Variants in TESK2 observed in about 807,000 individuals in gnomAD.
TESK2 encodes the protein testis associated actin remodelling kinase 2, also known as dual specificity testis-specific protein kinase 2.
A neutral mutation model predicts 57.1 loss-of-function variants in TESK2; 39 were observed. The ratio of observed to expected loss-of-function variants is 0.68; its 90% CI spans 0.53 to 0.89. The LOEUF is 0.89. TESK2 is among the 40% of genes least tolerant of loss of function. TESK2 has a pLI of 0.00. For synonymous variants in TESK2, 249 were observed against 267.9 expected (o/e 0.93, Z 0.69); for missense variants, 646 against 732.1 (o/e 0.88, Z 1.36).
chr1:45,385,922 G>T lies in TESK2; in HGVS notation c.383C>A (p.Ala128Glu). ...GVCVHQGQLH[A>E]LTEYINSGNL... is the part of the protein sequence containing the mutation. Reference sequence around the variant, plus strand: ...TTACTGATGTCTTACCTCTGTAAGTGCATGCAATTGTCCTTGATGAACACA... The same window carrying T: ...TTACTGATGTCTTACCTCTGTAAGTTCATGCAATTGTCCTTGATGAACACA... The change falls in exon 4 of 11, where the codon GCA (alanine) becomes GAA (glutamate). Residue 128 changes from alanine (A) to glutamate (E), a missense_variant. Transcript: ENST00000372086. The T allele has an allele frequency of 6.2e-7, 1 of 1,606,526 alleles. No individual in the cohort carries two copies. The highest frequency in any genetic ancestry group is 8.5e-7 in the Non-Finnish European group (1 of 1,175,682).
intron 1 of TESK2, among the ~76,000 whole-genome samples, chr1:45,476,322 A>T (rs1652987968): frequency 6.6e-6 from 1 of 151,938 alleles, no homozygotes; most frequent in Admixed American, 6.6e-5. Context: ...AGCCTGAACA[A>T]CATGAGGAGA....
chr1:45,460,018 A>C (rs1652267316), intron 1 of TESK2, among the ~76,000 whole-genome samples: 1 of 152,174 alleles, frequency 6.6e-6, no homozygotes, highest in African/African-American at 2.4e-5. Flanking sequence ...TCTTGAGTTC[A>C]CATGAACATA....
rs772146409 is a variant in TESK2 at position 45,345,195 on chromosome 1, C to T, written c.1361G>A (p.Trp454Ter). The change falls in exon 11 of 11, where the codon TGG (tryptophan) becomes TAG (stop). Residue 454 changes from tryptophan to a stop codon, truncating the protein, a stop_gained. Transcript: ENST00000372086. LOFTEE classifies it high-confidence loss of function. The part of the protein sequence containing the change: ...QEPLAPPIRR[W>*]RSLPGSPEFL... Reference sequence around the variant, plus strand: ...CTCAGGCGAACCAGGCAAGGAACGCCACCGGCGAATAGGTGGGGCCAGGGG... The same window carrying T: ...CTCAGGCGAACCAGGCAAGGAACGCTACCGGCGAATAGGTGGGGCCAGGGG... The T allele has an allele frequency of 1.2e-6, 2 of 1,614,192 alleles. No individual in the cohort carries two copies. The highest frequency in any genetic ancestry group is 1.7e-5 in the Admixed American group (1 of 60,026).
chr1:45,432,335 G>A (rs909074007), intron 2 of TESK2, among the ~76,000 whole-genome samples: 1 of 151,932 alleles, frequency 6.6e-6, no homozygotes, highest in South Asian at 2.1e-4. Flanking sequence ...ACACTAGGCC[G>A]AGTATTTATC....
intron 4 of TESK2, among the ~76,000 whole-genome samples, chr1:45,356,432 C>T (rs945638113): frequency 4.0e-5 from 6 of 151,732 alleles, no homozygotes; most frequent in Non-Finnish European, 5.9e-5. Flanking sequence ...TTCAGACCGG[C>T]CTGAACAGCA....
Position 45,344,990 on chromosome 1 carries a change from AT to A in TESK2, c.1565del (p.Asn522MetfsTer23). 6.2e-7 allele frequency: 1 copy of A among 1,614,062 alleles called. No individual in the cohort carries two copies. Reference sequence around the variant, plus strand: ...TCCCCTGGGGCCTGGACCCAAAACCATTTTCTTCCTGGAGAATGGAGCAGTC... The same window carrying A: ...TCCCCTGGGGCCTGGACCCAAAACCATTTCTTCCTGGAGAATGGAGCAGTC... ...AMDCSILQEE[N>X]GFGSRPQGTS... is the part of the protein sequence containing the mutation. On this transcript the variant is annotated frameshift_variant, in exon 11 of 11. Transcript: ENST00000372086. LOFTEE classifies it high-confidence loss of function.
intron 4 of TESK2, among the ~76,000 whole-genome samples, chr1:45,359,902 CG>C (rs1557542628): frequency 6.6e-6 from 1 of 151,582 alleles, no homozygotes; most frequent in Non-Finnish European, 1.5e-5. Flanking sequence ...GAAAGCGCTT[CG>C]AAAAAAATTT....
intron 2 of TESK2, among the ~76,000 whole-genome samples, chr1:45,436,427 C>T (rs1483572294): frequency 3.4e-5 from 5 of 148,466 alleles, no homozygotes; most frequent in South Asian, 4.3e-4. Context: ...TCAGAAGATC[C>T]GCCTACTTCG....
intron 4 of TESK2, among the ~76,000 whole-genome samples, chr1:45,377,239 G>A (rs1278335763): frequency 6.6e-6 from 1 of 151,728 alleles, no homozygotes; most frequent in East Asian, 1.9e-4. Context: ...AAAAAAAAAA[G>A]TATTTGTAGG....
Position 45,482,698 on chromosome 1 carries a change from G to A in TESK2, c.-87+8154C>T, listed in dbSNP as rs372128842. ...GCGGGAAGTCAAAAATTATACCTGG[G>A]GCCAGGCGTGGTTGCTCACACCTGT... On this transcript the variant is annotated intron_variant, in intron 1 of 10. Coordinates refer to ENST00000372086, the MANE Select transcript of TESK2 (RefSeq NM_007170.3). 1.3e-4 allele frequency among the ~76,000 whole-genome samples: 20 copies of A among 151,942 alleles called. No individual in the cohort carries two copies. In the East Asian group the frequency reaches 3.9e-3, roughly 29 times the overall value.
chr1:45,415,166 T>C, intron 3 of TESK2: 1 of 1,519,384 alleles, frequency 6.6e-7, no homozygotes. Context: ...GATTTGGTTA[T>C]AAGGGTTCCT....
intron 1 of TESK2, among the ~76,000 whole-genome samples, chr1:45,478,508 A>G (rs112406106): frequency 2.0e-5 from 3 of 152,326 alleles, no homozygotes; most frequent in African/African-American, 7.2e-5. Flanking sequence ...TACAGTGGAG[A>G]AAAAGCAAAA....
intron 1 of TESK2, among the ~76,000 whole-genome samples, chr1:45,473,738 AATG>A (rs1652863371): frequency 6.6e-6 from 1 of 152,208 alleles, no homozygotes; most frequent in Non-Finnish European, 1.5e-5. Context: ...AACCAAATGC[AATG>A]ATGATACTTG....
At chr1:45,424,257 T>C (rs891823477) in intron 2 of TESK2, among the ~76,000 whole-genome samples, 5 of 152,148 alleles carry the variant, frequency 3.3e-5, no homozygotes, top group Non-Finnish European at 5.9e-5. Context: ...AGGTCAGACA[T>C]CACAGCTTAT....
chr1:45,439,993 T>C (rs571052802), intron 2 of TESK2, among the ~76,000 whole-genome samples: 15 of 150,128 alleles, frequency 1.0e-4, no homozygotes, highest in Admixed American at 8.0e-4. Flanking sequence ...AGAGTATCGC[T>C]AGGTCACCTG....
In TESK2 at chr1:45,344,463, A is replaced by C. The variant is rs1647109593; in HGVS notation, c.*377T>G. On this transcript the variant is annotated 3_prime_UTR_variant, in exon 11 of 11. Transcript: ENST00000372086. ...CTCCATGTTCCACTCAGTAGCTTAT[A>C]TGCCCCAAGAAAAGGCAAGAGACAG... The C allele has an allele frequency of 4.6e-6, 1 of 217,706 alleles. No individual in the cohort carries two copies. Among genetic ancestry groups the C allele is most frequent in the Non-Finnish European group, 9.2e-6 (1 of 108,712 alleles). The allele number at this position is 217,706 out of a possible 1,614,324, so 13.5% of individuals were successfully genotyped here.
intron 1 of TESK2, among the ~76,000 whole-genome samples, chr1:45,482,515 CT>C (rs1377949887): frequency 2.0e-5 from 3 of 151,426 alleles, no homozygotes; most frequent in Non-Finnish European, 4.4e-5. Context: ...GCAACTGCCC[CT>C]GTCTCAAAAA....
intron 2 of TESK2, among the ~76,000 whole-genome samples, chr1:45,427,911 G>A (rs888621850): frequency 1.7e-4 from 26 of 152,086 alleles, no homozygotes; most frequent in African/African-American, 6.0e-4. Flanking sequence ...TAATTGGAAT[G>A]TTTGCAACAC....
At chr1:45,478,671 AC>A (rs1244245042) in intron 1 of TESK2, among the ~76,000 whole-genome samples, 1 of 152,090 alleles carries the variant, frequency 6.6e-6, no homozygotes, top group Non-Finnish European at 1.5e-5. Context: ...ACATACACAG[AC>A]AAATAATTCT....
Sources: gnomAD v4.1 joint callset for allele counts (sites outside exome capture counted in the v4.1 genomes callset) on GRCh38, gnomAD v4.1.1 for gene constraint, MANE v1.5 for transcripts, NCBI Gene and HGNC (gene_info 2026-07-23, HGNC 2026-07-21) for gene names.